The following RNGTT variants were observed in gnomAD, a reference collection of about 807,000 sequenced individuals.
The protein encoded by RNGTT is mRNA-capping enzyme.
A neutral mutation model predicts 79.3 loss-of-function variants in RNGTT; 33 were observed. The observed-to-expected ratio is 0.42, with a 90% CI of 0.32 to 0.56. RNGTT has a LOEUF of 0.56. Ranked by LOEUF, RNGTT falls within the 20% of genes least tolerant of loss-of-function variation. The pLI, the probability that RNGTT is intolerant of heterozygous loss-of-function variation, is 0.17. For synonymous variants in RNGTT, 222 were observed against 235.9 expected (o/e 0.94, Z 0.54); for missense variants, 497 against 739.1 (o/e 0.67, Z 3.80).
chr6:88,843,841 C>T (rs1388818290), intron 11 of RNGTT, among the ~76,000 whole-genome samples: 2 of 150,840 alleles, frequency 1.3e-5, no homozygotes, highest in South Asian at 4.2e-4. Flanking sequence ...CAGGCATGAG[C>T]CACCGAGCCT....
chr6:88,869,847 CA>C (rs1266453908), intron 8 of RNGTT, among the ~76,000 whole-genome samples: 1 of 152,004 alleles, frequency 6.6e-6, no homozygotes, highest in Admixed American at 6.6e-5. Context: ...GTAATTTATG[CA>C]GCAATTTGAT....
intron 13 of RNGTT, among the ~76,000 whole-genome samples, chr6:88,738,223 T>C (rs1366132956): frequency 6.6e-6 from 1 of 152,080 alleles, no homozygotes; most frequent in Admixed American, 6.6e-5. Flanking sequence ...AAATTCTAAA[T>C]GAGGAGCATC....
intron 13 of RNGTT, among the ~76,000 whole-genome samples, chr6:88,715,896 A>G (rs1253652175): frequency 6.6e-6 from 1 of 152,226 alleles, no homozygotes; most frequent in African/African-American, 2.4e-5. Context: ...CATTCAGGAC[A>G]TAGGCATGGG....
intron 13 of RNGTT, among the ~76,000 whole-genome samples, chr6:88,743,813 G>A (rs570617909): frequency 6.6e-6 from 1 of 152,250 alleles, no homozygotes; most frequent in African/African-American, 2.4e-5. Flanking sequence ...ATTTTCAGAA[G>A]CAGAATTGCT....
intron 13 of RNGTT, among the ~76,000 whole-genome samples, chr6:88,726,051 G>T (rs1433142942): frequency 2.6e-5 from 4 of 152,054 alleles, no homozygotes; most frequent in African/African-American, 9.7e-5. Context: ...GAGATAGAGA[G>T]ATAGAAGTAG....
At chr6:88,727,482 A>G (rs1776956790) in intron 13 of RNGTT, among the ~76,000 whole-genome samples, 1 of 152,244 alleles carries the variant, frequency 6.6e-6, no homozygotes, top group African/African-American at 2.4e-5. Flanking sequence ...TTCTTAAAGC[A>G]CTAACCTGCT....
At chr6:88,618,660 A>G (rs1772323272) in intron 14 of RNGTT, among the ~76,000 whole-genome samples, 2 of 152,168 alleles carry the variant, frequency 1.3e-5, no homozygotes, top group South Asian at 4.1e-4. Context: ...GCAACACACC[A>G]TATATTTTAT....
chr6:88,817,566 G>C (rs1444582594), intron 11 of RNGTT, among the ~76,000 whole-genome samples: 1 of 146,964 alleles, frequency 6.8e-6, no homozygotes, highest in Non-Finnish European at 1.5e-5. Flanking sequence ...CAACACATAC[G>C]TGTACACACA....
intron 14 of RNGTT, among the ~76,000 whole-genome samples, chr6:88,656,628 A>C (rs1010635132): frequency 2.0e-5 from 3 of 152,098 alleles, no homozygotes; most frequent in Non-Finnish European, 2.9e-5. Flanking sequence ...CTATGTATGT[A>C]AACTTTTCTA....
intron 13 of RNGTT, among the ~76,000 whole-genome samples, chr6:88,719,735 T>C (rs1776644048): frequency 6.6e-6 from 1 of 152,214 alleles, no homozygotes; most frequent in Non-Finnish European, 1.5e-5. Flanking sequence ...AAAAGATGTG[T>C]ATTTAACAAA....
At chr6:88,791,680 C>A (rs1322449376) in intron 12 of RNGTT, among the ~76,000 whole-genome samples, 4 of 152,204 alleles carry the variant, frequency 2.6e-5, no homozygotes, top group Admixed American at 2.6e-4. Flanking sequence ...GCTGGGACCA[C>A]AGGCGCCCAC....
intron 12 of RNGTT, among the ~76,000 whole-genome samples, chr6:88,793,317 T>C (rs1464418485): frequency 6.6e-6 from 1 of 152,232 alleles, no homozygotes; most frequent in Non-Finnish European, 1.5e-5. Context: ...TACAGTGCTA[T>C]GCCATCAATT....
intron 13 of RNGTT, among the ~76,000 whole-genome samples, chr6:88,752,202 C>A (rs1777863008): frequency 6.6e-6 from 1 of 151,552 alleles, no homozygotes; most frequent in Non-Finnish European, 1.5e-5. Flanking sequence ...ACTCTTTAAA[C>A]CAAATTAAAT....
chr6:88,635,608 T>C (rs1434481090), intron 14 of RNGTT, among the ~76,000 whole-genome samples: 1 of 152,102 alleles, frequency 6.6e-6, no homozygotes, highest in Non-Finnish European at 1.5e-5. Context: ...ATGTATGTGA[T>C]TATTCTTAAT....
At chr6:88,893,341 TCTCTA>T (rs1467805294) in intron 6 of RNGTT, among the ~76,000 whole-genome samples, 1 of 152,096 alleles carries the variant, frequency 6.6e-6, no homozygotes, top group Non-Finnish European at 1.5e-5. Context: ...ACAAAGAAAG[TCTCTA>T]GCTTCATTTA....
At chr6:88,634,767 A>G (rs1773036817) in intron 14 of RNGTT, among the ~76,000 whole-genome samples, 1 of 152,172 alleles carries the variant, frequency 6.6e-6, no homozygotes, top group South Asian at 2.1e-4. Flanking sequence ...AAAATAAAAT[A>G]TAACTTAAAA....
At chr6:88,948,164 G>A (rs1368798673) in intron 1 of RNGTT, among the ~76,000 whole-genome samples, 21 of 25,678 alleles carry the variant, frequency 8.2e-4, no homozygotes, top group East Asian at 1.1e-3. Flanking sequence ...CAGCCGCCCC[G>A]TCCGGGAGGG....
intron 13 of RNGTT, among the ~76,000 whole-genome samples, chr6:88,759,429 C>T (rs1261274525): frequency 6.6e-6 from 1 of 152,104 alleles, no homozygotes; most frequent in Non-Finnish European, 1.5e-5. Flanking sequence ...GCTGGATATG[C>T]TTATTATTAC....
intron 13 of RNGTT, among the ~76,000 whole-genome samples, chr6:88,678,658 C>T (rs1038503835): frequency 2.0e-5 from 3 of 151,820 alleles, no homozygotes; most frequent in African/African-American, 7.3e-5. Flanking sequence ...GTTGTGTGTG[C>T]CTATAGTCCT....
Sources: allele counts gnomAD v4.1 joint callset (sites outside exome capture counted in the v4.1 genomes callset), GRCh38; gene constraint gnomAD v4.1.1; transcripts MANE v1.5; gene names NCBI Gene and HGNC (gene_info 2026-07-23, HGNC 2026-07-21).